FHIP1A: variants seen among roughly 807,000 people sequenced by gnomAD.
FHIP1A encodes FHF complex subunit HOOK interacting protein 1A.
A neutral mutation model predicts 88.6 loss-of-function variants in FHIP1A; 61 were observed. The observed-to-expected ratio is 0.69, with a 90% confidence interval of 0.56 to 0.85. The LOEUF (loss-of-function observed/expected upper bound fraction) is 0.85. Ranked by LOEUF, FHIP1A falls within the 40% of genes least tolerant of loss-of-function variation. FHIP1A has a pLI of 0.00. For missense variants in FHIP1A, 1,154 were observed against 1,273.5 expected, an observed-to-expected ratio of 0.91 and a Z score of 1.43; for synonymous variants, 478 against 496.0, an observed-to-expected ratio of 0.96 and a Z score of 0.48.
At chr4:151,479,575 C>CGTTG (rs1292221056) in intron 2 of FHIP1A, among the ~76,000 whole-genome samples, 3 of 151,980 alleles carry the variant, frequency 2.0e-5, no homozygotes, top group Non-Finnish European at 4.4e-5. Flanking sequence ...CTTCTCTCTT[C>CGTTG]GTTGGTTGGT....
chr4:151,656,874 A>G lies in FHIP1A; in HGVS notation c.2845A>G (p.Met949Val). 6.4e-7 allele frequency: 1 copy of G among 1,551,654 alleles called. No homozygotes were observed. Among genetic ancestry groups the G allele is most frequent in the South Asian group, 1.2e-5 (1 of 84,038 alleles). Residue 949 changes from methionine (M) to valine (V), a missense_variant, in exon 13 of 14, where the codon ATG (methionine) becomes GTG (valine). Transcript: ENST00000435205. This position sits in a 1 kb window ranked among gnomAD's most constrained non-coding sequence, Gnocchi z 4.2. ...GCTCTTCCGTGTGGACATGTCTGAT[A>G]TGACCCCTGCAGCACTAACCAAAGG... ...YLLFRVDMSD[M>V]TPAALTKDPI...
intron 3 of FHIP1A, among the ~76,000 whole-genome samples, chr4:151,488,311 C>T (rs1373850673): frequency 6.6e-6 from 1 of 152,144 alleles, no homozygotes; most frequent in East Asian, 1.9e-4. Context: ...AATTTTTCAG[C>T]TCTTTCCCCC....
chr4:151,442,381 ATC>A (rs1190277579), intron 1 of FHIP1A, among the ~76,000 whole-genome samples: 1 of 152,114 alleles, frequency 6.6e-6, no homozygotes, highest in African/African-American at 2.4e-5. Flanking sequence ...AAAATGTAGA[ATC>A]TCTCAGCTAA....
In FHIP1A at chr4:151,656,859, G is replaced by A; in HGVS notation, c.2830G>A (p.Val944Met). The part of the protein sequence containing the change: ...IQAQQYLLFR[V>M]DMSDMTPAAL... Reference sequence around the variant, plus strand: ...AGCTCAGCAGTACCTGCTCTTCCGTGTGGACATGTCTGATATGACCCCTGC... The same window carrying A: ...AGCTCAGCAGTACCTGCTCTTCCGTATGGACATGTCTGATATGACCCCTGC... Residue 944 changes from valine (V) to methionine (M), a missense_variant, in exon 13 of 14, where the codon GTG becomes ATG. Physicochemically the swap from Val to Met is conservative, Grantham distance 21 (BLOSUM62 1). Transcript: ENST00000435205. This position sits in a 1 kb window ranked among gnomAD's most constrained non-coding sequence, Gnocchi z 4.2. 1.3e-6 allele frequency: 2 copies of A among 1,551,550 alleles called. No homozygotes were observed. Among genetic ancestry groups the A allele is most frequent in the Non-Finnish European group, 1.7e-6 (2 of 1,146,906 alleles).
intron 3 of FHIP1A, among the ~76,000 whole-genome samples, chr4:151,555,562 C>T (rs957447992): frequency 6.6e-6 from 1 of 151,922 alleles, no homozygotes; most frequent in Non-Finnish European, 1.5e-5. Flanking sequence ...TTTTTATTGT[C>T]ACTTTTATTT....
chr4:151,513,462 T>C (rs1347366892), intron 3 of FHIP1A, among the ~76,000 whole-genome samples: 1 of 152,194 alleles, frequency 6.6e-6, no homozygotes, highest in Non-Finnish European at 1.5e-5. Context: ...ATATTAACTT[T>C]AAATGTAAAT....
intron 9 of FHIP1A, among the ~76,000 whole-genome samples, chr4:151,642,847 A>G (rs1198492598): frequency 1.3e-5 from 2 of 151,566 alleles, no homozygotes; most frequent in Non-Finnish European, 2.9e-5. Context: ...AAAATCAGGG[A>G]GGACAATATG....
At chr4:151,546,498 A>C (rs1246377446) in intron 3 of FHIP1A, among the ~76,000 whole-genome samples, 1 of 152,238 alleles carries the variant, frequency 6.6e-6, no homozygotes, top group Non-Finnish European at 1.5e-5. Context: ...TCACTGATAC[A>C]GACTGCTATG....
intron 1 of FHIP1A, among the ~76,000 whole-genome samples, chr4:151,417,223 T>G (rs141397079): frequency 2.6e-5 from 4 of 152,244 alleles, no homozygotes; most frequent in African/African-American, 9.6e-5. Context: ...ATGGGCCTGG[T>G]TTCAGAATTT....
chr4:151,519,920 C>G (rs1333339588), intron 3 of FHIP1A, among the ~76,000 whole-genome samples: 1 of 152,010 alleles, frequency 6.6e-6, no homozygotes, highest in Non-Finnish European at 1.5e-5. Flanking sequence ...TTTGAAGTGT[C>G]TAGTTACATC....
Position 151,662,755 on chromosome 4 carries a change from C to CTTTT in FHIP1A, c.*14_*17dup, listed in dbSNP as rs11378262. On this transcript the variant is annotated 3_prime_UTR_variant, in exon 14 of 14. Coordinates refer to ENST00000435205, the MANE Select transcript of FHIP1A (RefSeq NM_001109977.3). ...TGACTTTGAGGACTCCTGCTGTTAG[C>CTTTT]TTTTTTTTTTTTTTTTAATAGAGGT... The CTTTT allele has an allele frequency of 1.5e-5, 19 of 1,302,032 alleles. No homozygotes were observed. Among genetic ancestry groups the CTTTT allele is most frequent in the African/African-American group, 9.6e-5 (6 of 62,252 alleles). The allele number at this position is 1,302,032 out of a possible 1,614,324, so 80.7% of individuals were successfully genotyped here.
Position 151,434,980 on chromosome 4 carries a change from A to T in FHIP1A, c.-355-19721A>T, listed in dbSNP as rs531289482. On this transcript the variant is annotated intron_variant, in intron 1 of 13. Coordinates refer to ENST00000435205, the MANE Select transcript of FHIP1A (RefSeq NM_001109977.3). Reference sequence around the variant, plus strand: ...TTTATGACACACATCTTTTAAAAAAATTGATATGTAATAGTTTTAGGTATT... The same window carrying T: ...TTTATGACACACATCTTTTAAAAAATTTGATATGTAATAGTTTTAGGTATT... Among the ~76,000 whole-genome samples the T allele has an allele frequency of 2.0e-5, 3 of 152,314 alleles. No homozygotes were observed. In the East Asian group the frequency reaches 5.8e-4, roughly 29 times the overall value.
intron 7 of FHIP1A, among the ~76,000 whole-genome samples, chr4:151,596,689 A>C (rs1292773733): frequency 6.6e-6 from 1 of 151,980 alleles, no homozygotes; most frequent in Non-Finnish European, 1.5e-5. Flanking sequence ...CTTTTCACAT[A>C]GTCTCATATT....
Position 151,669,701 on chromosome 4 carries a change from A to G in FHIP1A, c.*6947A>G, listed in dbSNP as rs772019107. The G allele has an allele frequency of 6.6e-6, 1 of 152,192 alleles. No homozygotes were observed. Among genetic ancestry groups the G allele is most frequent in the East Asian group, 1.9e-4 (1 of 5,196 alleles). The allele number at this position is 152,192 out of a possible 1,614,324, so 9.4% of individuals were successfully genotyped here. On this transcript the variant is annotated 3_prime_UTR_variant, in exon 14 of 14. Coordinates refer to ENST00000435205, the MANE Select transcript of FHIP1A (RefSeq NM_001109977.3). The stretch of plus-strand genomic sequence containing the variant: ...AGACCCAGTAGTTTTCAGGACCGCA[A>G]CAGGATGCGGGGCACCTGGCTTCCC...
At chr4:151,614,401 C>T (rs1053982673) in intron 7 of FHIP1A, among the ~76,000 whole-genome samples, 5 of 149,438 alleles carry the variant, frequency 3.3e-5, no homozygotes, top group East Asian at 2.0e-4. Context: ...CCTGGGACCT[C>T]GAGGCTACAG....
intron 3 of FHIP1A, among the ~76,000 whole-genome samples, chr4:151,522,770 TTCA>T (rs1309684746): frequency 6.6e-6 from 1 of 152,224 alleles, no homozygotes; most frequent in African/African-American, 2.4e-5. Flanking sequence ...TCTTTTTTCT[TTCA>T]TTCTTTCTTC....
At position 151,567,934 on chromosome 4, in the gene FHIP1A, C is replaced by T. The variant is rs28472345; in HGVS notation, c.105+1570C>T. 7.8e-3 allele frequency among the ~76,000 whole-genome samples: 1,195 copies of T among 152,252 alleles called. 13 individuals are homozygous for T. The highest frequency in any genetic ancestry group is 0.027 in the African/African-American group (1,119 of 41,546). On this transcript the variant is annotated intron_variant, in intron 4 of 13. Transcript: ENST00000435205. ...CCAGCCCATTTTGTTTATTCGTTTG[C>T]GCATAATACCTTTGATTATAATCAT...
intron 1 of FHIP1A, among the ~76,000 whole-genome samples, chr4:151,419,568 C>CTTTTTTTTTTT (rs70941499): frequency 5.9e-4 from 13 of 21,990 alleles, no homozygotes; most frequent in African/African-American, 1.3e-3. Flanking sequence ...GTTCCTCATT[C>CTTTTTTTTTTT]TTTTTTTTTT....
At chr4:151,490,380 A>G (rs1368049857) in intron 3 of FHIP1A, among the ~76,000 whole-genome samples, 2 of 152,184 alleles carry the variant, frequency 1.3e-5, no homozygotes, top group Non-Finnish European at 2.9e-5. Context: ...TGGTAGGCCT[A>G]CTGGGTGGCT....
Sources: gnomAD v4.1 joint callset for allele counts (sites outside exome capture counted in the v4.1 genomes callset) on GRCh38, gnomAD v4.1.1 for gene constraint, Gnocchi (gnomAD v3.1) non-coding constraint, MANE v1.5 for transcripts, NCBI Gene and HGNC (gene_info 2026-07-23, HGNC 2026-07-21) for gene names.